The following MDFIC variants were observed in gnomAD, a reference collection of about 807,000 sequenced individuals.
MDFIC encodes myoD family inhibitor domain-containing protein.
In MDFIC, 17 loss-of-function variants were observed where a neutral mutation model predicts 23.2. That is an observed-to-expected ratio of 0.73 (90% CI 0.50 to 1.10). MDFIC has a LOEUF of 1.10. Among genes scored for constraint, MDFIC ranks in the 50% least tolerant of loss-of-function variants. MDFIC has a pLI of 0.00. For missense variants in MDFIC, 356 were observed against 316.6 expected (o/e 1.12, Z -0.95); for synonymous variants, 120 against 115.2 (o/e 1.04, Z -0.27).
At chr7:114,994,246 T>G (rs561115600) in intron 4 of MDFIC, among the ~76,000 whole-genome samples, 14 of 151,430 alleles carry the variant, frequency 9.2e-5, no homozygotes, top group African/African-American at 3.4e-4. Flanking sequence ...TGTGTGTCTC[T>G]GCATGTGAGA....
At chr7:114,969,511 A>T (rs2115906727) in intron 3 of MDFIC, among the ~76,000 whole-genome samples, 1 of 152,336 alleles carries the variant, frequency 6.6e-6, no homozygotes, top group South Asian at 2.1e-4. Flanking sequence ...GCAAGTCAGC[A>T]AATGCCCAGT....
chr7:114,979,874 T>C (rs541315623), intron 4 of MDFIC, 93 bp downstream of exon 4: 537 of 1,414,474 alleles, frequency 3.8e-4, no homozygotes, highest in Non-Finnish European at 4.8e-4. Flanking sequence ...TTGAAGAATC[T>C]TGCTTATCCT....
intron 4 of MDFIC, among the ~76,000 whole-genome samples, chr7:115,013,113 T>C (rs1227407247): frequency 6.6e-6 from 1 of 152,210 alleles, no homozygotes; most frequent in African/African-American, 2.4e-5. Flanking sequence ...ATACAGGATG[T>C]TGAGCCGAAG....
intron 3 of MDFIC, among the ~76,000 whole-genome samples, chr7:114,955,025 G>C (rs568557015): frequency 3.3e-5 from 5 of 151,668 alleles, no homozygotes; most frequent in Admixed American, 6.6e-5. Context: ...CTTCCTTCAG[G>C]CTTGTCCCTT....
At chr7:114,985,056 G>A (rs920216914) in intron 4 of MDFIC, among the ~76,000 whole-genome samples, 9 of 152,204 alleles carry the variant, frequency 5.9e-5, no homozygotes, top group Admixed American at 2.0e-4. Flanking sequence ...AAGCAGTGTG[G>A]TATAGTAATT....
intron 2 of MDFIC, chr7:114,923,736 G>T: frequency 8.9e-7 from 1 of 1,121,372 alleles, no homozygotes; most frequent in Non-Finnish European, 1.2e-6. Context: ...TCTTGTGTCT[G>T]GGAAACTTCC....
rs548741834 is a variant in MDFIC, at chr7:114,975,811, T to C, written c.218-3695T>C. On this transcript the variant is annotated intron_variant, in intron 3 of 4. Coordinates refer to ENST00000393486, the MANE Select transcript of MDFIC (RefSeq NM_001166345.3). ...TATTTAAGGCTTATCCAGTTTTGAT[T>C]TGACTTACGTAATACACACATCTGG... Among the ~76,000 whole-genome samples, 6 of 152,244 alleles carry C rather than the reference T, an allele frequency of 3.9e-5. No homozygotes were observed. In the South Asian group the frequency reaches 1.2e-3, roughly 32 times the overall value.
In MDFIC at chr7:114,953,985, G is replaced by A. The variant is rs554551179; in HGVS notation, c.217+11588G>A. 3.9e-5 allele frequency among the ~76,000 whole-genome samples: 6 copies of A among 152,250 alleles called. No individual in the cohort carries two copies. The East Asian group carries it at 7.7e-4, about 20-fold the overall frequency. The stretch of plus-strand genomic sequence containing the variant: ...TTGACTGAATCCACTGATTTGGAAC[G>A]CATAGACAGAGGGAGCTGATTTTAG... On this transcript the variant is annotated intron_variant, in intron 3 of 4. Transcript: ENST00000393486.
rs146915514 is a variant in MDFIC at position 114,990,552 on chromosome 7, A to G, written c.493+10771A>G. 9.8e-3 allele frequency among the ~76,000 whole-genome samples: 1,491 copies of G among 152,156 alleles called. 18 individuals are homozygous for G. The highest frequency in any genetic ancestry group is 0.033 in the African/African-American group (1,359 of 41,516). ...TGTGATGTTTCCCTTCCTGTGTCCA[A>G]GTGTTCTCATTGTTCAATTCCCACC... On this transcript the variant is annotated intron_variant, in intron 4 of 4. Transcript: ENST00000393486.
chr7:114,939,782 G>A (rs905906359), intron 2 of MDFIC, among the ~76,000 whole-genome samples: 1 of 152,104 alleles, frequency 6.6e-6, no homozygotes, highest in East Asian at 1.9e-4. Context: ...TAATGCCTTG[G>A]TTTCACGAAT....
At chr7:114,982,668 C>G (rs1226130138) in intron 4 of MDFIC, among the ~76,000 whole-genome samples, 1 of 152,156 alleles carries the variant, frequency 6.6e-6, no homozygotes, top group African/African-American at 2.4e-5. Context: ...ATATTCCAGC[C>G]TGGGTGACAG....
intron 2 of MDFIC, among the ~76,000 whole-genome samples, chr7:114,929,912 G>T (rs1792277569): frequency 6.6e-6 from 1 of 152,140 alleles, no homozygotes. Context: ...GGAAAGTTGG[G>T]AATATTCCTC....
At chr7:114,986,078 G>A (rs2115997584) in intron 4 of MDFIC, among the ~76,000 whole-genome samples, 1 of 151,054 alleles carries the variant, frequency 6.6e-6, no homozygotes, top group East Asian at 2.0e-4. Flanking sequence ...TATCGAAAAG[G>A]AAATGATGAA....
intron 3 of MDFIC, among the ~76,000 whole-genome samples, chr7:114,945,548 G>A (rs918341462): frequency 2.0e-5 from 3 of 152,048 alleles, no homozygotes; most frequent in African/African-American, 7.3e-5. Flanking sequence ...ATTTCAAATT[G>A]GTTGCCCTTG....
In MDFIC at chr7:114,961,072, G is replaced by T. The variant is rs569267874; in HGVS notation, c.218-18434G>T. Among the ~76,000 whole-genome samples the T allele has an allele frequency of 2.0e-5, 3 of 152,216 alleles. No individual in the cohort carries two copies. In the South Asian group the frequency reaches 6.2e-4, roughly 32 times the overall value. On this transcript the variant is annotated intron_variant, in intron 3 of 4. Coordinates refer to ENST00000393486, the MANE Select transcript of MDFIC (RefSeq NM_001166345.3). ...GAGTGTGCAAGATTTAGAATATCAG[G>T]TTTCCTCCGCACCACCCCTGCCTGC...
At chr7:114,980,297 G>A (rs924093943) in intron 4 of MDFIC, among the ~76,000 whole-genome samples, 1 of 152,074 alleles carries the variant, frequency 6.6e-6, no homozygotes, top group South Asian at 2.1e-4. Flanking sequence ...TCTTCCAGCC[G>A]CCACGTTGGC....
At chr7:115,014,856 G>A (rs1791762633) in intron 4 of MDFIC, among the ~76,000 whole-genome samples, 1 of 152,122 alleles carries the variant, frequency 6.6e-6, no homozygotes. Flanking sequence ...TAATTTGTTT[G>A]ATTTCTCAAT....
At chr7:114,997,909 A>G (rs1791373417) in intron 4 of MDFIC, among the ~76,000 whole-genome samples, 1 of 152,186 alleles carries the variant, frequency 6.6e-6, no homozygotes, top group Admixed American at 6.6e-5. Flanking sequence ...TCTTACACAT[A>G]TGAGGCACTT....
intron 4 of MDFIC, among the ~76,000 whole-genome samples, chr7:115,003,958 CT>C (rs1356013250): frequency 3.3e-5 from 5 of 152,090 alleles, no homozygotes; most frequent in African/African-American, 9.7e-5. Context: ...TAAAATTATT[CT>C]AAGAGTTTAG....
Sources: allele counts gnomAD v4.1 joint callset (sites outside exome capture counted in the v4.1 genomes callset), GRCh38; gene constraint gnomAD v4.1.1; transcripts MANE v1.5; gene names NCBI Gene and HGNC (gene_info 2026-07-23, HGNC 2026-07-21).